The following PTTG1IP2 variants were observed in gnomAD, a reference collection of about 807,000 sequenced individuals.
The protein encoded by PTTG1IP2 is PTTG1IP family member 2.
intron 2 of PTTG1IP2, among the ~76,000 whole-genome samples, chr7:90,481,023 G>A (rs372191520): frequency 4.1e-4 from 62 of 152,214 alleles, no homozygotes; most frequent in African/African-American, 1.3e-3. Flanking sequence ...ATCAGATTCT[G>A]TTTAATTTTT....
intron 1 of PTTG1IP2, among the ~76,000 whole-genome samples, chr7:90,475,680 G>T (rs1584690708): frequency 6.6e-6 from 1 of 152,172 alleles, no homozygotes; most frequent in Non-Finnish European, 1.5e-5. Flanking sequence ...ATATCTTTGG[G>T]CCAGGCGTGG....
intron 2 of PTTG1IP2, among the ~76,000 whole-genome samples, chr7:90,485,882 G>A (rs1797869770): frequency 6.6e-6 from 1 of 152,154 alleles, no homozygotes; most frequent in Non-Finnish European, 1.5e-5. Context: ...TAGACACTCT[G>A]AGTACTAACA....
chr7:90,488,178 G>A (rs1178484432), intron 3 of PTTG1IP2, among the ~76,000 whole-genome samples: 1 of 152,000 alleles, frequency 6.6e-6, no homozygotes, highest in Admixed American at 6.6e-5. Context: ...AGAACAACCA[G>A]TTGTCTTCTT....
intron 6 of PTTG1IP2, among the ~76,000 whole-genome samples, chr7:90,502,988 A>G (rs1457339576): frequency 6.6e-6 from 1 of 152,218 alleles, no homozygotes; most frequent in Non-Finnish European, 1.5e-5. Context: ...CCTGGATGGC[A>G]TCTTTTTCCA....
At chr7:90,478,966 G>A (rs796870935) in intron 1 of PTTG1IP2, among the ~76,000 whole-genome samples, 1 of 151,892 alleles carries the variant, frequency 6.6e-6, no homozygotes, top group Non-Finnish European at 1.5e-5. Context: ...ATGTTTTGGG[G>A]GTTGTTTTTT....
intron 5 of PTTG1IP2, among the ~76,000 whole-genome samples, chr7:90,492,724 A>G (rs1797952689): frequency 6.6e-6 from 1 of 152,178 alleles, no homozygotes; most frequent in Non-Finnish European, 1.5e-5. Context: ...ACCCAGTCGG[A>G]GATATTCATA....
chr7:90,472,312 ACACACACACC>A lies in PTTG1IP2; in HGVS notation c.145+2383_145+2392del, dbSNP rs1443595771. ...CACACACACACACACACACACACAC[ACACACACACC>A]CCAAATAATCTACCCTAGAAGAGAA... is the stretch of plus-strand genomic sequence containing the variant. On this transcript the variant is annotated intron_variant, in intron 1 of 6. Transcript: ENST00000509356. 7.2e-3 allele frequency among the ~76,000 whole-genome samples: 774 copies of A among 107,964 alleles called. 6 individuals carry two copies. Among genetic ancestry groups the A allele is most frequent in the African/African-American group, 0.023 (742 of 32,502 alleles). The allele number at this position is 107,964 out of a possible 152,430, so 70.8% of individuals were successfully genotyped here.
chr7:90,484,367 AT>A (rs1562985409), intron 2 of PTTG1IP2, among the ~76,000 whole-genome samples: 1 of 152,142 alleles, frequency 6.6e-6, no homozygotes, highest in African/African-American at 2.4e-5. Flanking sequence ...TTTTATTAAA[AT>A]AGCAATTGTG....
intron 2 of PTTG1IP2, among the ~76,000 whole-genome samples, chr7:90,482,722 A>C (rs953265678): frequency 6.6e-6 from 1 of 151,922 alleles, no homozygotes; most frequent in African/African-American, 2.4e-5. Flanking sequence ...AAGACTTGTC[A>C]TAAGTACATT....
At chr7:90,511,076 ATTT>A in intron 6 of PTTG1IP2, among the ~76,000 whole-genome samples, 1 of 147,422 alleles carries the variant, frequency 6.8e-6, no homozygotes, top group South Asian at 2.1e-4. Flanking sequence ...CAAGGACAGT[ATTT>A]TTTTTTTTTG....
intron 2 of PTTG1IP2, among the ~76,000 whole-genome samples, chr7:90,486,611 G>T (rs1488970175): frequency 6.6e-6 from 1 of 152,036 alleles, no homozygotes; most frequent in Non-Finnish European, 1.5e-5. Flanking sequence ...GCAGTGTGGG[G>T]AGAGGGGTGA....
chr7:90,493,520 G>C (rs982421965), intron 5 of PTTG1IP2, among the ~76,000 whole-genome samples: 20 of 152,128 alleles, frequency 1.3e-4, no homozygotes, highest in African/African-American at 4.8e-4. Flanking sequence ...CATTGACCCA[G>C]GAAAAACACT....
chr7:90,476,768 A>T (rs1797752967), intron 1 of PTTG1IP2, among the ~76,000 whole-genome samples: 1 of 152,208 alleles, frequency 6.6e-6, no homozygotes, highest in African/African-American at 2.4e-5. Context: ...ACATAGTTTT[A>T]AAATAGATGT....
intron 1 of PTTG1IP2, among the ~76,000 whole-genome samples, chr7:90,476,869 T>G (rs984406625): frequency 1.3e-5 from 2 of 152,142 alleles, no homozygotes; most frequent in African/African-American, 4.8e-5. Flanking sequence ...TTAGCTGTTC[T>G]TGAAAAATTT....
chr7:90,480,494 T>G (rs932368002), intron 2 of PTTG1IP2, among the ~76,000 whole-genome samples: 7 of 152,188 alleles, frequency 4.6e-5, no homozygotes, highest in African/African-American at 1.7e-4. Flanking sequence ...GGTCAATTTT[T>G]TTAATGTATG....
intron 4 of PTTG1IP2, among the ~76,000 whole-genome samples, chr7:90,491,488 T>C (rs1192103558): frequency 6.6e-6 from 1 of 151,988 alleles, no homozygotes; most frequent in Admixed American, 6.6e-5. Context: ...CTGGGCGTGG[T>C]GGCACGCACC....
chr7:90,477,237 G>A (rs963396921), intron 1 of PTTG1IP2, among the ~76,000 whole-genome samples: 4 of 152,172 alleles, frequency 2.6e-5, no homozygotes, highest in Non-Finnish European at 5.9e-5. Flanking sequence ...CTGGTACCTG[G>A]TAATGCCATG....
At chr7:90,511,680 C>G (rs1231663156) in intron 6 of PTTG1IP2, among the ~76,000 whole-genome samples, 2 of 152,164 alleles carry the variant, frequency 1.3e-5, no homozygotes, top group Non-Finnish European at 1.5e-5. Context: ...GAATTGCCAG[C>G]TCGCTTTACT....
intron 6 of PTTG1IP2, among the ~76,000 whole-genome samples, chr7:90,507,411 C>T (rs979339141): frequency 3.3e-5 from 5 of 152,090 alleles, no homozygotes; most frequent in African/African-American, 1.2e-4. Context: ...GCTGTGAAAC[C>T]TAAGGTAAAT....
Sources: gnomAD v4.1 joint callset for allele counts (sites outside exome capture counted in the v4.1 genomes callset) on GRCh38, gnomAD v4.1.1 for gene constraint, MANE v1.5 for transcripts, NCBI Gene and HGNC (gene_info 2026-07-23, HGNC 2026-07-21) for gene names.